Variants in NXPE4 observed in about 807,000 individuals in gnomAD.
NXPE4 encodes neurexophilin and PC-esterase domain family member 4.
NXPE4 carries 42 observed loss-of-function variants against 33.3 expected under a neutral mutation model. The ratio of observed to expected loss-of-function variants is 1.26; its 90% confidence interval spans 0.98 to 1.63. NXPE4 has a LOEUF of 1.63. Among genes scored for constraint, NXPE4 ranks in the 40% most tolerant of loss-of-function variants. NXPE4 has a pLI of 0.00. For missense variants in NXPE4, 709 were observed against 647.6 expected (o/e 1.09, Z -1.03); for synonymous variants, 253 against 234.9 (o/e 1.08, Z -0.71).
At chr11:114,613,501 C>A in the NXPE4 span, among the ~76,000 whole-genome samples, 53 of 151,732 alleles carry the variant, frequency 3.5e-4, no homozygotes, top group African/African-American at 1.2e-3. Flanking sequence ...CACTATTACC[C>A]AGTGGATAAT....
the NXPE4 span, among the ~76,000 whole-genome samples, chr11:114,615,818 T>C: frequency 1.3e-5 from 2 of 151,618 alleles, no homozygotes; most frequent in Non-Finnish European, 2.9e-5. Context: ...GCATCCTGGG[T>C]AACCACTGTT....
the NXPE4 span, among the ~76,000 whole-genome samples, chr11:114,662,461 C>T: frequency 6.6e-6 from 1 of 152,150 alleles, no homozygotes; most frequent in South Asian, 2.1e-4. Context: ...GAAAGACAGT[C>T]TAGGCCACAA....
the NXPE4 span, among the ~76,000 whole-genome samples, chr11:114,611,270 G>T: frequency 6.6e-6 from 1 of 151,612 alleles, no homozygotes; most frequent in East Asian, 2.0e-4. Flanking sequence ...GGTAACCACT[G>T]TTACCCTGTC....
the NXPE4 span, among the ~76,000 whole-genome samples, chr11:114,636,180 G>A: frequency 6.6e-6 from 1 of 152,002 alleles, no homozygotes; most frequent in African/African-American, 2.4e-5. Flanking sequence ...CTTCTTCCTG[G>A]TTTAGTCTTA....
the NXPE4 span, among the ~76,000 whole-genome samples, chr11:114,602,752 ATAAG>A: frequency 1.4e-5 from 2 of 144,840 alleles, no homozygotes; most frequent in Admixed American, 7.1e-5. Flanking sequence ...AGAATCATAT[ATAAG>A]TATCTCATAT....
chr11:114,641,981 T>C, the NXPE4 span, among the ~76,000 whole-genome samples: 27 of 152,130 alleles, frequency 1.8e-4, no homozygotes, highest in African/African-American at 5.5e-4. Flanking sequence ...AACAACACAA[T>C]TGATGAGAAG....
the NXPE4 span, among the ~76,000 whole-genome samples, chr11:114,646,026 A>AT: frequency 6.6e-6 from 1 of 152,054 alleles, no homozygotes; most frequent in Non-Finnish European, 1.5e-5. Context: ...AAATCTCTTG[A>AT]TTTTGCTAGG....
At chr11:114,623,996 G>T in the NXPE4 span, among the ~76,000 whole-genome samples, 4 of 152,108 alleles carry the variant, frequency 2.6e-5, no homozygotes, top group Non-Finnish European at 5.9e-5. Context: ...GGTAACCACT[G>T]TTACCCGGTG....
the NXPE4 span, among the ~76,000 whole-genome samples, chr11:114,657,135 T>A: frequency 6.6e-6 from 1 of 152,078 alleles, no homozygotes; most frequent in Non-Finnish European, 1.5e-5. Flanking sequence ...TAGTTCCGGA[T>A]TGTACTATAC....
the NXPE4 span, among the ~76,000 whole-genome samples, chr11:114,649,960 A>G: frequency 2.6e-5 from 4 of 152,214 alleles, no homozygotes; most frequent in Non-Finnish European, 5.9e-5. Context: ...GATGAATTAT[A>G]TTATATGTAA....
At chr11:114,572,580 T>A (rs679870) in intron 5 of NXPE4, among the ~76,000 whole-genome samples, 1 of 151,834 alleles carries the variant, frequency 6.6e-6, no homozygotes, top group African/African-American at 2.4e-5. Context: ...GCACTGGAAA[T>A]TCTCAGCAAT....
chr11:114,661,259 A>G, the NXPE4 span, among the ~76,000 whole-genome samples: 1 of 152,150 alleles, frequency 6.6e-6, no homozygotes, highest in African/African-American at 2.4e-5. Flanking sequence ...TGATTTTAAA[A>G]TTTATGTTGA....
the NXPE4 span, among the ~76,000 whole-genome samples, chr11:114,612,940 C>G: frequency 4.6e-5 from 7 of 151,856 alleles, no homozygotes; most frequent in African/African-American, 1.7e-4. Flanking sequence ...TCGCATGTAT[C>G]CACTGTTACC....
chr11:114,668,530 C>T, the NXPE4 span, among the ~76,000 whole-genome samples: 2 of 151,984 alleles, frequency 1.3e-5, no homozygotes, highest in African/African-American at 4.8e-5. Context: ...CAGAAGGAAC[C>T]TCAGCCTTCT....
At chr11:114,592,757 G>C (rs111682413) in intron 2 of NXPE4, among the ~76,000 whole-genome samples, 29 of 152,158 alleles carry the variant, frequency 1.9e-4, no homozygotes, top group African/African-American at 5.8e-4. Flanking sequence ...GCTGAAGGCA[G>C]TATATTACCT....
At chr11:114,630,553 C>A in the NXPE4 span, among the ~76,000 whole-genome samples, 2 of 151,688 alleles carry the variant, frequency 1.3e-5, no homozygotes, top group East Asian at 3.9e-4. Flanking sequence ...AACGTTAGAC[C>A]TAAAACCATA....
chr11:114,628,843 A>T, the NXPE4 span, among the ~76,000 whole-genome samples: 1 of 152,014 alleles, frequency 6.6e-6, no homozygotes, highest in Non-Finnish European at 1.5e-5. Context: ...AGGGGATATC[A>T]CCACCGATCC....
At chr11:114,619,769 C>T in the NXPE4 span, among the ~76,000 whole-genome samples, 4 of 152,180 alleles carry the variant, frequency 2.6e-5, no homozygotes, top group African/African-American at 9.6e-5. Context: ...ACCACTGTTA[C>T]CAGGTGGATA....
the NXPE4 span, among the ~76,000 whole-genome samples, chr11:114,630,045 T>A: frequency 6.6e-6 from 1 of 151,354 alleles, no homozygotes; most frequent in Non-Finnish European, 1.5e-5. Flanking sequence ...TGGAAGAACA[T>A]TCCATGCTCA....
Sources: gnomAD v4.1 joint callset for allele counts (sites outside exome capture counted in the v4.1 genomes callset) on GRCh38, gnomAD v4.1.1 for gene constraint, MANE v1.5 for transcripts, NCBI Gene and HGNC (gene_info 2026-07-23, HGNC 2026-07-21) for gene names.